XKR4: variants seen among roughly 807,000 people sequenced by gnomAD.
XKR4 encodes the protein XK-related protein 4.
Under a neutral mutation model 53.9 loss-of-function variants are expected in XKR4, and 12 were observed. The observed-to-expected ratio is 0.22, with a 90% CI of 0.14 to 0.36. The LOEUF is 0.36. Ranked by LOEUF, XKR4 falls within the 10% of genes least tolerant of loss-of-function variation. The pLI, the probability that XKR4 is intolerant of heterozygous loss-of-function variation, is 1.00. For synonymous variants in XKR4, 354 were observed against 362.4 expected (o/e 0.98, Z 0.26); for missense variants, 799 against 859.5 (o/e 0.93, Z 0.88).
chr8:55,451,747 GC>G, intron 2 of XKR4: 1 of 1,178,990 alleles, frequency 8.5e-7, no homozygotes. Flanking sequence ...TTCAGACTTG[GC>G]CCGGCTCAGG....
intron 2 of XKR4, among the ~76,000 whole-genome samples, chr8:55,458,962 C>T (rs752762722): frequency 1.1e-4 from 16 of 152,284 alleles, no homozygotes; most frequent in Non-Finnish European, 2.2e-4. Context: ...ACCTCACCAG[C>T]GACCCCACCC....
intron 2 of XKR4, among the ~76,000 whole-genome samples, chr8:55,507,330 CT>C (rs989606618): frequency 1.3e-4 from 20 of 150,922 alleles, no homozygotes; most frequent in Non-Finnish European, 7.4e-5. Flanking sequence ...CATCCATTTT[CT>C]TTTTTTTTAT....
chr8:55,102,757 G>T lies in XKR4; in HGVS notation c.269G>T (p.Gly90Val). ...SGGVAGPGGG[G>V]AGSAALCLRL... ...GGCGTCGCCGGCCCGGGCGGCGGCGGGGCGGGCTCGGCTGCGCTGTGCCTG... is the reference window on the plus strand; with the variant it reads ...GGCGTCGCCGGCCCGGGCGGCGGCGTGGCGGGCTCGGCTGCGCTGTGCCTG... Residue 90 changes from glycine to valine, a missense_variant, in exon 1 of 3, where the codon GGG becomes GTG. This residue lies in a region of XKR4 where 476 missense variants were observed against 505.4 expected (regional missense o/e 0.94). Coordinates refer to ENST00000327381, the MANE Select transcript of XKR4 (RefSeq NM_052898.2). This position sits in a 1 kb window ranked among gnomAD's most constrained non-coding sequence, Gnocchi z 5.1. 1 of 1,288,998 alleles carries T rather than the reference G, an allele frequency of 7.8e-7. No homozygotes were observed. The highest frequency in any genetic ancestry group is 2.7e-4 in the Middle Eastern group (1 of 3,650). 79.8% of individuals were successfully genotyped at this position (1,288,998 alleles called of 1,614,324 possible).
intron 1 of XKR4, among the ~76,000 whole-genome samples, chr8:55,182,327 G>A (rs1010565901): frequency 6.6e-6 from 1 of 151,742 alleles, no homozygotes; most frequent in African/African-American, 2.4e-5. Flanking sequence ...TTTCTTTTAT[G>A]GATTACACTT....
chr8:55,210,247 G>A (rs2129363634), intron 1 of XKR4, among the ~76,000 whole-genome samples: 1 of 152,130 alleles, frequency 6.6e-6, no homozygotes, highest in East Asian at 1.9e-4. Context: ...ACCACGCCTG[G>A]CTAATTTTGT....
At chr8:55,439,946 C>G (rs1805240946) in intron 2 of XKR4, among the ~76,000 whole-genome samples, 1 of 151,962 alleles carries the variant, frequency 6.6e-6, no homozygotes, top group Admixed American at 6.6e-5. Flanking sequence ...GCCAAAAAAC[C>G]AAAGATAAAT....
At chr8:55,197,479 T>C (rs1021162032) in intron 1 of XKR4, among the ~76,000 whole-genome samples, 1 of 152,204 alleles carries the variant, frequency 6.6e-6, no homozygotes, top group African/African-American at 2.4e-5. Context: ...ATAAGCTCCA[T>C]ATGAGCTTTC....
intron 1 of XKR4, among the ~76,000 whole-genome samples, chr8:55,120,075 T>A (rs1585888525): frequency 6.6e-6 from 1 of 152,286 alleles, no homozygotes; most frequent in Admixed American, 6.5e-5. Flanking sequence ...TGTGTGCAAG[T>A]CAGAAGGAGG....
At chr8:55,144,565 A>G (rs1239728691) in intron 1 of XKR4, among the ~76,000 whole-genome samples, 1 of 151,956 alleles carries the variant, frequency 6.6e-6, no homozygotes, top group Admixed American at 6.6e-5. Context: ...GGAAAGCCAG[A>G]TTTTTCTGTG....
chr8:55,452,652 T>C, intron 2 of XKR4: 1 of 1,433,520 alleles, frequency 7.0e-7, no homozygotes, highest in Non-Finnish European at 9.8e-7. Flanking sequence ...CTTGAGGTGG[T>C]CACTGGTGAC....
intron 2 of XKR4, among the ~76,000 whole-genome samples, chr8:55,505,405 G>C (rs115976070): frequency 6.6e-6 from 1 of 151,814 alleles, no homozygotes; most frequent in East Asian, 1.9e-4. Context: ...AAATAAAATA[G>C]CCAGGCATGA....
chr8:55,194,151 G>A (rs749267016), intron 1 of XKR4, among the ~76,000 whole-genome samples: 11 of 152,242 alleles, frequency 7.2e-5, no homozygotes, highest in Non-Finnish European at 1.6e-4. Flanking sequence ...TTTCTCTGAT[G>A]AGTCAGAGAA....
chr8:55,381,082 A>G (rs1278930557), intron 2 of XKR4, among the ~76,000 whole-genome samples: 1 of 152,254 alleles, frequency 6.6e-6, no homozygotes, highest in Non-Finnish European at 1.5e-5. Context: ...ACTTGGCAAT[A>G]TATACATTAT....
chr8:55,402,365 T>C (rs1267493228), intron 2 of XKR4, among the ~76,000 whole-genome samples: 3 of 152,176 alleles, frequency 2.0e-5, no homozygotes, highest in African/African-American at 7.2e-5. Context: ...ACTGTGCAAA[T>C]AGGTCTTAGT....
At chr8:55,349,740 T>C (rs532586885) in intron 1 of XKR4, among the ~76,000 whole-genome samples, 1 of 152,352 alleles carries the variant, frequency 6.6e-6, no homozygotes, top group Non-Finnish European at 1.5e-5. Flanking sequence ...TGTCCACCCA[T>C]ATAATTGGCA....
At chr8:55,296,293 C>G (rs111667882) in intron 1 of XKR4, among the ~76,000 whole-genome samples, 3 of 152,280 alleles carry the variant, frequency 2.0e-5, no homozygotes, top group African/African-American at 7.2e-5. Context: ...AGAAGTTAGT[C>G]ACACAGCCAC....
chr8:55,509,675 G>T (rs1207685037), intron 2 of XKR4, among the ~76,000 whole-genome samples: 1 of 152,170 alleles, frequency 6.6e-6, no homozygotes, highest in African/African-American at 2.4e-5. Context: ...TACTAGAAAA[G>T]ATTGGCTGGA....
intron 1 of XKR4, among the ~76,000 whole-genome samples, chr8:55,189,651 T>A (rs529898094): frequency 6.6e-6 from 1 of 152,332 alleles, no homozygotes; most frequent in South Asian, 2.1e-4. Flanking sequence ...TGACAGGAAT[T>A]TTTTAGCTTC....
intron 1 of XKR4, among the ~76,000 whole-genome samples, chr8:55,320,945 T>C (rs768609860): frequency 5.3e-5 from 8 of 152,128 alleles, no homozygotes; most frequent in Non-Finnish European, 1.0e-4. Flanking sequence ...TTCTCTTTCC[T>C]TCACTTAACT....
Sources: gnomAD v4.1 joint callset for allele counts (sites outside exome capture counted in the v4.1 genomes callset) on GRCh38, gnomAD v4.1.1 for gene constraint, gnomAD v4.1.1 regional missense constraint, Gnocchi (gnomAD v3.1) non-coding constraint, MANE v1.5 for transcripts, NCBI Gene and HGNC (gene_info 2026-07-23, HGNC 2026-07-21) for gene names.